SLC29A3: variants seen among roughly 807,000 people sequenced by gnomAD.
SLC29A3 encodes the protein solute carrier family 29 member 3.
A neutral mutation model predicts 25.4 loss-of-function variants in SLC29A3; 18 were observed. The observed-to-expected ratio is 0.71, with a 90% CI of 0.49 to 1.05. The LOEUF (loss-of-function observed/expected upper bound fraction) is 1.05, where lower values mean the gene tolerates loss of function less well. Among genes scored for constraint, SLC29A3 ranks in the 50% least tolerant of loss-of-function variants. SLC29A3 has a pLI of 0.00. For missense variants in SLC29A3, 586 were observed against 609.0 expected (o/e 0.96, Z 0.40); for synonymous variants, 258 against 267.1 (o/e 0.97, Z 0.33).
chr10:71,332,960 C>G (rs1846155131), intron 2 of SLC29A3, among the ~76,000 whole-genome samples: 1 of 152,244 alleles, frequency 6.6e-6, no homozygotes, highest in Admixed American at 6.5e-5. Flanking sequence ...GCTGCGCTCC[C>G]TTGCCCTCCA....
At chr10:71,325,427 C>G (rs183872103) in intron 2 of SLC29A3, among the ~76,000 whole-genome samples, 1 of 152,226 alleles carries the variant, frequency 6.6e-6, no homozygotes, top group Non-Finnish European at 1.5e-5. Context: ...ATTACCCGTC[C>G]GATGAAAAGG....
At chr10:71,358,965 C>T (rs1260658389) in intron 5 of SLC29A3, among the ~76,000 whole-genome samples, 1 of 152,104 alleles carries the variant, frequency 6.6e-6, no homozygotes, top group Non-Finnish European at 1.5e-5. Flanking sequence ...GGTTGGAGTG[C>T]AGTGGCACAA....
intron 3 of SLC29A3, among the ~76,000 whole-genome samples, chr10:71,344,879 C>T (rs7069807): frequency 0.091 from 13,833 of 152,276 alleles, 1,033 homozygotes; most frequent in African/African-American, 0.2. Flanking sequence ...GCCTGCATTT[C>T]TCCTAAGCTG....
intron 2 of SLC29A3, among the ~76,000 whole-genome samples, chr10:71,332,513 C>T (rs150590856): frequency 6.6e-6 from 1 of 152,254 alleles, no homozygotes; most frequent in Non-Finnish European, 1.5e-5. Flanking sequence ...CCCTCCTCCC[C>T]GCATAGAAAG....
At chr10:71,329,900 A>G (rs1042457082) in intron 2 of SLC29A3, among the ~76,000 whole-genome samples, 2 of 152,238 alleles carry the variant, frequency 1.3e-5, no homozygotes, top group African/African-American at 4.8e-5. Context: ...TCGAGTTGTC[A>G]AACCTGGCAG....
rs774843880 is a variant in SLC29A3 at position 71,322,761 on chromosome 10, G to A, written c.7G>A (p.Val3Ile). Residue 3 changes from valine to isoleucine, a missense_variant, in exon 2 of 6, where the codon GTT becomes ATT. Val to Ile is a conservative substitution (Grantham distance 29). Coordinates refer to ENST00000373189, the MANE Select transcript of SLC29A3 (RefSeq NM_018344.6). ...TGCCCTCCTTGCTCCAATAGTGGCC[G>A]TTGTCTCAGAGGACGACTTTCAGCA... Reference protein sequence around the residue: MAVVSEDDFQHSS... With the variant: MAIVSEDDFQHSS... The A allele has an allele frequency of 5.6e-6, 9 of 1,613,934 alleles. No individual in the cohort carries two copies. The highest frequency in any genetic ancestry group is 2.2e-5 in the East Asian group (1 of 44,894).
chr10:71,348,231 G>T (rs1846647897), intron 3 of SLC29A3, among the ~76,000 whole-genome samples: 1 of 152,226 alleles, frequency 6.6e-6, no homozygotes, highest in Non-Finnish European at 1.5e-5. Context: ...CTCTGCCTTT[G>T]CAGCGCGCCT....
intron 4 of SLC29A3, among the ~76,000 whole-genome samples, chr10:71,354,660 C>T (rs749439086): frequency 5.3e-5 from 8 of 152,162 alleles, no homozygotes; most frequent in Non-Finnish European, 1.0e-4. Flanking sequence ...CATGCCCACA[C>T]GGACCCAGCC....
At chr10:71,329,885 G>A (rs1395684931) in intron 2 of SLC29A3, among the ~76,000 whole-genome samples, 6 of 152,246 alleles carry the variant, frequency 3.9e-5, no homozygotes, top group Non-Finnish European at 8.8e-5. Context: ...TTCCTGCCAT[G>A]CAAGTCGAGT....
downstream of SLC29A3, among the ~76,000 whole-genome samples, chr10:71,367,910 TG>T (rs1847182664): frequency 6.6e-6 from 1 of 152,184 alleles, no homozygotes. Context: ...CACGTCCTGC[TG>T]GTGCCCTTTT....
rs765966306 is a variant in SLC29A3 at position 71,362,672 on chromosome 10, G to T, written c.*64G>T. 8.7e-6 allele frequency: 14 copies of T among 1,606,514 alleles called. No homozygotes were observed. Among genetic ancestry groups the T allele is most frequent in the Non-Finnish European group, 1.1e-5 (13 of 1,175,052 alleles). On this transcript the variant is annotated 3_prime_UTR_variant, in exon 6 of 6. Coordinates refer to ENST00000373189, the MANE Select transcript of SLC29A3 (RefSeq NM_018344.6). ...GAAGATGAGAAGAGAGTGCAGGAGGGCTGGGGGCCATGGAGGAAAGGCCTA... is the reference window on the plus strand; with the variant it reads ...GAAGATGAGAAGAGAGTGCAGGAGGTCTGGGGGCCATGGAGGAAAGGCCTA...
At chr10:71,348,091 C>T (rs1006989939) in intron 3 of SLC29A3, among the ~76,000 whole-genome samples, 1 of 152,228 alleles carries the variant, frequency 6.6e-6, no homozygotes, top group African/African-American at 2.4e-5. Flanking sequence ...CTGGGAGGTT[C>T]AGACCAGCAT....
chr10:71,362,395 G>A lies in SLC29A3; in HGVS notation c.1215G>A (p.Lys405=). ...LCNYQPRVHL[K]TVVFQSDVYP... The stretch of plus-strand genomic sequence containing the variant: ...ACTACCAGCCCCGCGTCCACCTGAA[G>A]ACTGTGGTCTTCCAGTCCGATGTGT... The change falls in exon 6 of 6, where the codon AAG becomes AAA. Residue 405 remains lysine, a synonymous_variant. Transcript: ENST00000373189. 1 of 1,614,168 alleles carries A rather than the reference G, an allele frequency of 6.2e-7. No homozygotes were observed. The highest frequency in any genetic ancestry group is 8.5e-7 in the Non-Finnish European group (1 of 1,180,038).
chr10:71,354,764 C>T (rs923214274), intron 4 of SLC29A3, among the ~76,000 whole-genome samples: 1 of 152,204 alleles, frequency 6.6e-6, no homozygotes, highest in Non-Finnish European at 1.5e-5. Flanking sequence ...AGGCCCTTCC[C>T]GCATTGATGG....
At chr10:71,360,543 A>C (rs1847029608) in intron 5 of SLC29A3, among the ~76,000 whole-genome samples, 1 of 152,234 alleles carries the variant, frequency 6.6e-6, no homozygotes. Flanking sequence ...GTAGAGATGA[A>C]CAGGGCAAGT....
rs553459035 is a variant in SLC29A3 at position 71,322,805 on chromosome 10, C to T, written c.51C>T (p.Tyr17=). 186 of 1,614,182 alleles carry T rather than the reference C, an allele frequency of 1.2e-4. No homozygotes were observed. The highest frequency in any genetic ancestry group is 1.4e-4 in the Non-Finnish European group (161 of 1,180,040). Residue 17 remains tyrosine (Y), a synonymous_variant, in exon 2 of 6, where the codon TAC becomes TAT. Coordinates refer to ENST00000373189, the MANE Select transcript of SLC29A3 (RefSeq NM_018344.6). ...TTCAGCACAGTTCAAACTCCACCTA[C>T]AGAACCACAAGCAGCAGTCTCCGAG... The part of the protein sequence containing the change: ...DDFQHSSNST[Y]RTTSSSLRAD...
At chr10:71,349,002 A>T (rs536237033) in intron 3 of SLC29A3, among the ~76,000 whole-genome samples, 3 of 152,046 alleles carry the variant, frequency 2.0e-5, no homozygotes, top group African/African-American at 7.2e-5. Context: ...AGCAGGAGGG[A>T]GCTGGGGTAT....
At chr10:71,360,123 G>GTCT (rs1186709609) in intron 5 of SLC29A3, among the ~76,000 whole-genome samples, 1 of 133,722 alleles carries the variant, frequency 7.5e-6, no homozygotes, top group African/African-American at 2.8e-5. Context: ...CCAGGAACCT[G>GTCT]TCTTCTTCTT....
intron 3 of SLC29A3, 140 bp downstream of exon 3, chr10:71,344,431 T>C: frequency 1.4e-6 from 1 of 715,702 alleles, no homozygotes; most frequent in African/African-American, 1.7e-5. Context: ...GATTTATGCA[T>C]GAAGAGTGAG....
Sources: gnomAD v4.1 joint callset for allele counts (sites outside exome capture counted in the v4.1 genomes callset) on GRCh38, gnomAD v4.1.1 for gene constraint, MANE v1.5 for transcripts, NCBI Gene and HGNC (gene_info 2026-07-23, HGNC 2026-07-21) for gene names.